The following XXYLT1 variants were observed in gnomAD, a reference collection of about 807,000 sequenced individuals.
XXYLT1 encodes xyloside xylosyltransferase 1, also known as UDP-xylose:alpha-xyloside alpha-1,3-xylosyltransferase.
XXYLT1 carries 20 observed loss-of-function variants against 28.9 expected under a neutral mutation model. The ratio of observed to expected loss-of-function variants is 0.69; its 90% confidence interval spans 0.49 to 1.00. XXYLT1 has a LOEUF of 1.00. XXYLT1 is among the 50% of genes least tolerant of loss of function. The probability of loss-of-function intolerance (pLI) is 0.00; values close to 1 mark genes in which losing one functional copy is unlikely to be tolerated. For missense variants in XXYLT1, 542 were observed against 560.1 expected (o/e 0.97, Z 0.33); for synonymous variants, 257 against 253.8 (o/e 1.01, Z -0.12).
chr3:195,104,088 G>T (rs1326611693), intron 3 of XXYLT1, among the ~76,000 whole-genome samples: 1 of 152,150 alleles, frequency 6.6e-6, no homozygotes, highest in Non-Finnish European at 1.5e-5. Context: ...TTTAGAATGG[G>T]AGCAATGGGG....
rs370596818 is a variant in XXYLT1, at chr3:195,245,254, G to A, written c.505-18398C>T. Among the ~76,000 whole-genome samples the A allele has an allele frequency of 5.6e-4, 82 of 147,566 alleles. 2 individuals are homozygous for A. The highest frequency in any genetic ancestry group is 2.0e-3 in the African/African-American group (80 of 39,804). The stretch of plus-strand genomic sequence containing the variant: ...TGGCTCACTGCAATCTCTGCCTCCC[G>A]GGTTCAAGCGATTCTCCTGCCTCAG... On this transcript the variant is annotated intron_variant, in intron 1 of 3. Coordinates refer to ENST00000310380, the MANE Select transcript of XXYLT1 (RefSeq NM_152531.5).
At position 195,076,371 on chromosome 3, in the gene XXYLT1, G is replaced by A. The variant is rs984548249; in HGVS notation, c.786-6260C>T. Among the ~76,000 whole-genome samples, 10 of 149,716 alleles carry A rather than the reference G, an allele frequency of 6.7e-5. No individual in the cohort carries two copies. The highest frequency in any genetic ancestry group is 4.6e-4 in the Admixed American group (7 of 15,132). On this transcript the variant is annotated intron_variant, in intron 3 of 3. Transcript: ENST00000310380. This position sits in a 1 kb window ranked among gnomAD's most constrained non-coding sequence, Gnocchi z 5.3. ...GGCACAGACATTGGAACTCGACCGC[G>A]CGTGTTCCCGGAGTCTGAGTCGTTT... is the stretch of plus-strand genomic sequence containing the variant.
intron 1 of XXYLT1, among the ~76,000 whole-genome samples, chr3:195,232,249 TTTTA>T (rs1197352728): frequency 2.6e-5 from 4 of 152,148 alleles, no homozygotes; most frequent in African/African-American, 7.2e-5. Flanking sequence ...TCATCTCTGA[TTTTA>T]TTTATTTGGG....
chr3:195,096,789 A>G (rs1716472246), intron 3 of XXYLT1, among the ~76,000 whole-genome samples: 1 of 152,214 alleles, frequency 6.6e-6, no homozygotes, highest in Non-Finnish European at 1.5e-5. Context: ...ATAGAGGATA[A>G]TTTTCTTCCA....
chr3:195,262,839 A>G (rs1349358227), intron 1 of XXYLT1, among the ~76,000 whole-genome samples: 2 of 152,228 alleles, frequency 1.3e-5, no homozygotes, highest in Non-Finnish European at 2.9e-5. Context: ...TTTCATGAGT[A>G]TATTACAATT....
intron 3 of XXYLT1, chr3:195,094,528 C>T (rs376712669): frequency 6.5e-6 from 1 of 153,948 alleles, no homozygotes; most frequent in South Asian, 2.1e-4. Flanking sequence ...AAGCTGGACA[C>T]CCGCGGAGAC....
In XXYLT1 at chr3:195,072,417, T is replaced by C. The variant is rs968485059; in HGVS notation, c.786-2306A>G. 5.3e-5 allele frequency among the ~76,000 whole-genome samples: 8 copies of C among 152,294 alleles called. No homozygotes were observed. The South Asian group carries it at 1.2e-3, about 24-fold the overall frequency. On this transcript the variant is annotated intron_variant, in intron 3 of 3. Coordinates refer to ENST00000310380, the MANE Select transcript of XXYLT1 (RefSeq NM_152531.5). ...ACCTCGGCAGGAACGCTCCCAAATC[T>C]TCTGTGTCTGCAGCAAGGAGGAGCA...
rs1721225107 is a variant in XXYLT1, at chr3:195,168,219, G to T, written c.653-11638C>A. On this transcript the variant is annotated intron_variant, in intron 2 of 3. Transcript: ENST00000310380. This position sits in a 1 kb window ranked among gnomAD's most constrained non-coding sequence, Gnocchi z 4.3. ...GGGGTTTGAAATGAATGTGGTCTGA[G>T]ACTCCTCCCAGCCCTACCACCCTGT... Among the ~76,000 whole-genome samples, 2 of 152,178 alleles carry T rather than the reference G, an allele frequency of 1.3e-5. No homozygotes were observed. The highest frequency in any genetic ancestry group is 4.1e-4 in the South Asian group (2 of 4,828).
intron 3 of XXYLT1, among the ~76,000 whole-genome samples, chr3:195,096,261 G>A (rs970770126): frequency 3.3e-5 from 5 of 152,202 alleles, no homozygotes; most frequent in African/African-American, 1.2e-4. Context: ...TAGCATGGCT[G>A]CAGCCCATGC....
chr3:195,074,339 G>C (rs1315506349), intron 3 of XXYLT1, among the ~76,000 whole-genome samples: 1 of 152,214 alleles, frequency 6.6e-6, no homozygotes, highest in Non-Finnish European at 1.5e-5. Flanking sequence ...CTTCAGCCTT[G>C]AGAGCAGTCA....
intron 2 of XXYLT1, among the ~76,000 whole-genome samples, chr3:195,203,143 A>G (rs1722927641): frequency 6.6e-6 from 1 of 152,152 alleles, no homozygotes; most frequent in Non-Finnish European, 1.5e-5. Flanking sequence ...TCATAGAAAA[A>G]AAGTTAAAAG....
chr3:195,083,369 G>A (rs971436939), intron 3 of XXYLT1, among the ~76,000 whole-genome samples: 2 of 152,122 alleles, frequency 1.3e-5, no homozygotes, highest in African/African-American at 4.8e-5. Context: ...GAGTCCTCAG[G>A]AAACTTCTGA....
rs942855784 is a variant in XXYLT1, at chr3:195,078,958, G to A, written c.786-8847C>T. ...CTCTCCATGAACTTTGCGACCAGAC[G>A]CACTCTGCTCCAGTGATGGGAACTG... is the stretch of plus-strand genomic sequence containing the variant. On this transcript the variant is annotated intron_variant, in intron 3 of 3. Transcript: ENST00000310380. This position sits in a 1 kb window ranked among gnomAD's most constrained non-coding sequence, Gnocchi z 5.0. Among the ~76,000 whole-genome samples the A allele has an allele frequency of 5.9e-5, 9 of 152,210 alleles. No homozygotes were observed. Among genetic ancestry groups the A allele is most frequent in the South Asian group, 2.1e-4 (1 of 4,810 alleles).
chr3:195,202,055 T>C (rs7649610), intron 2 of XXYLT1, among the ~76,000 whole-genome samples: 4,090 of 151,892 alleles, frequency 0.027, 194 homozygotes, highest in African/African-American at 0.093. Context: ...TGTGCACCTG[T>C]AATCCCAGCC....
chr3:195,088,380 GA>G (rs1715913021), intron 3 of XXYLT1, among the ~76,000 whole-genome samples: 1 of 146,998 alleles, frequency 6.8e-6, no homozygotes, highest in African/African-American at 2.4e-5. Flanking sequence ...CCTGACCCCT[GA>G]CCCCCGAGCA....
At position 195,270,246 on chromosome 3, in the gene XXYLT1, C is replaced by A. The variant is rs1398627409; in HGVS notation, c.504+309G>T. The A allele has an allele frequency of 3.1e-5, 18 of 576,540 alleles. No homozygotes were observed. In the East Asian group the frequency reaches 5.4e-4, roughly 17 times the overall value. The allele number at this position is 576,540 out of a possible 1,614,324, so 35.7% of individuals were successfully genotyped here. ...AGAGGTGCAGACTCTGAAGGCAGTGCTGAACCCTGCAACGTTAGCAAAATG... is the reference window on the plus strand; with the variant it reads ...AGAGGTGCAGACTCTGAAGGCAGTGATGAACCCTGCAACGTTAGCAAAATG... On this transcript the variant is annotated intron_variant, in intron 1 of 3. Transcript: ENST00000310380.
chr3:195,118,639 G>A (rs1718173094), intron 3 of XXYLT1, among the ~76,000 whole-genome samples: 1 of 152,266 alleles, frequency 6.6e-6, no homozygotes, highest in Middle Eastern at 3.4e-3. Context: ...CTTGCCACAG[G>A]CACCTATGCC....
chr3:195,266,647 C>G (rs192318754), intron 1 of XXYLT1, among the ~76,000 whole-genome samples: 55 of 152,308 alleles, frequency 3.6e-4, no homozygotes, highest in Non-Finnish European at 6.5e-4. Context: ...GCATCATGCT[C>G]CCCACGGAAG....
intron 3 of XXYLT1, among the ~76,000 whole-genome samples, chr3:195,073,865 G>A (rs1039864089): frequency 2.6e-5 from 4 of 152,140 alleles, no homozygotes; most frequent in Non-Finnish European, 5.9e-5. Flanking sequence ...TATGGAAAAG[G>A]GCATCTGAAG....
Sources: allele counts gnomAD v4.1 joint callset (sites outside exome capture counted in the v4.1 genomes callset), GRCh38; gene constraint gnomAD v4.1.1; non-coding constraint Gnocchi (gnomAD v3.1); transcripts MANE v1.5; gene names NCBI Gene and HGNC (gene_info 2026-07-23, HGNC 2026-07-21).